GBE1: variants seen among roughly 807,000 people sequenced by gnomAD.
GBE1 encodes 1,4-alpha-glucan-branching enzyme.
Under a neutral mutation model 88.8 loss-of-function variants are expected in GBE1, and 70 were observed. The ratio of observed to expected loss-of-function variants is 0.79; its 90% CI spans 0.65 to 0.96. The LOEUF is 0.96. Ranked by LOEUF, GBE1 falls within the 40% of genes least tolerant of loss-of-function variation. The pLI, the probability that GBE1 is intolerant of heterozygous loss-of-function variation, is 0.00. For missense variants in GBE1, 872 were observed against 871.0 expected (o/e 1.00, Z -0.01); for synonymous variants, 284 against 300.1 (o/e 0.95, Z 0.56).
chr3:81,560,734 A>T (rs1394503832), intron 12 of GBE1, among the ~76,000 whole-genome samples: 1 of 152,006 alleles, frequency 6.6e-6, no homozygotes, highest in African/African-American at 2.4e-5. Context: ...AGTCTATCAG[A>T]TAATTGTGTG....
chr3:81,588,723 CT>C (rs1703833615), intron 9 of GBE1, among the ~76,000 whole-genome samples: 1 of 152,140 alleles, frequency 6.6e-6, no homozygotes, highest in African/African-American at 2.4e-5. Context: ...TTCCTTACCC[CT>C]CTCTAGTTCT....
At chr3:81,611,057 G>GA (rs531827971) in intron 7 of GBE1, among the ~76,000 whole-genome samples, 16 of 148,692 alleles carry the variant, frequency 1.1e-4, no homozygotes, top group East Asian at 5.9e-4. Flanking sequence ...AGTCAGGTTA[G>GA]AAAAAAAAAA....
At chr3:81,744,344 A>C (rs545353646) in intron 1 of GBE1, among the ~76,000 whole-genome samples, 1 of 152,234 alleles carries the variant, frequency 6.6e-6, no homozygotes, top group East Asian at 1.9e-4. Context: ...ATAGTGTAAA[A>C]ATTAGTTTTC....
intron 14 of GBE1, among the ~76,000 whole-genome samples, chr3:81,526,287 AG>A (rs1429765169): frequency 2.0e-5 from 3 of 152,116 alleles, no homozygotes; most frequent in Non-Finnish European, 4.4e-5. Context: ...AAAAACTAGA[AG>A]CATTCCCTTT....
At chr3:81,705,176 C>T (rs769859026) in intron 2 of GBE1, among the ~76,000 whole-genome samples, 1 of 152,052 alleles carries the variant, frequency 6.6e-6, no homozygotes, top group Non-Finnish European at 1.5e-5. Context: ...GAGTTGTCTT[C>T]CTAATAGCAT....
intron 12 of GBE1, among the ~76,000 whole-genome samples, chr3:81,552,981 G>T (rs1190542467): frequency 6.6e-6 from 1 of 152,104 alleles, no homozygotes; most frequent in Admixed American, 6.5e-5. Flanking sequence ...AGGTTATACA[G>T]GTATGAAGTA....
chr3:81,717,975 ATTTAT>A (rs913168990), intron 1 of GBE1, among the ~76,000 whole-genome samples: 10 of 148,302 alleles, frequency 6.7e-5, no homozygotes, highest in Non-Finnish European at 1.1e-4. Flanking sequence ...TTATTTATTT[ATTTAT>A]TTATTTATTT....
intron 7 of GBE1, among the ~76,000 whole-genome samples, chr3:81,611,004 TA>T (rs34262810): frequency 0.011 from 1,583 of 146,790 alleles, 21 homozygotes; most frequent in African/African-American, 0.036. Flanking sequence ...ACTGGGGCTT[TA>T]AAAAAAAAAA....
chr3:81,612,699 C>A (rs2106995038), intron 7 of GBE1: 1 of 515,568 alleles, frequency 1.9e-6, no homozygotes, highest in South Asian at 1.5e-5. Context: ...TACTTCATCA[C>A]TGTGTTCAAT....
intron 7 of GBE1, among the ~76,000 whole-genome samples, chr3:81,615,930 T>G (rs1189694781): frequency 6.6e-6 from 1 of 152,150 alleles, no homozygotes; most frequent in Non-Finnish European, 1.5e-5. Flanking sequence ...TCACCAGCAT[T>G]TGGTGTAGTT....
chr3:81,567,683 T>G (rs1210705366), intron 12 of GBE1, among the ~76,000 whole-genome samples: 1 of 152,234 alleles, frequency 6.6e-6, no homozygotes, highest in East Asian at 1.9e-4. Context: ...TAAGACTTCT[T>G]GATTAAATCT....
chr3:81,749,405 A>G (rs1168506503), intron 1 of GBE1, among the ~76,000 whole-genome samples: 2 of 152,198 alleles, frequency 1.3e-5, no homozygotes, highest in African/African-American at 4.8e-5. Flanking sequence ...CCAAATGAAA[A>G]ACATTACAGA....
intron 3 of GBE1, among the ~76,000 whole-genome samples, chr3:81,667,402 T>A (rs1363166465): frequency 6.6e-6 from 1 of 152,216 alleles, no homozygotes; most frequent in East Asian, 1.9e-4. Flanking sequence ...CAGAGACAAT[T>A]TGACTTCCTC....
At chr3:81,585,510 GA>G (rs149594264) in intron 10 of GBE1, among the ~76,000 whole-genome samples, 1 of 146,124 alleles carries the variant, frequency 6.8e-6, no homozygotes, top group African/African-American at 2.5e-5. Context: ...AACATTAAAT[GA>G]AAAAAAAACA....
intron 2 of GBE1, among the ~76,000 whole-genome samples, chr3:81,678,260 G>T (rs891500868): frequency 1.3e-5 from 2 of 152,150 alleles, no homozygotes; most frequent in Non-Finnish European, 2.9e-5. Flanking sequence ...CATTAAAAAG[G>T]TGAAGTCAAA....
At chr3:81,625,879 G>A (rs545806026) in intron 7 of GBE1, among the ~76,000 whole-genome samples, 4 of 152,272 alleles carry the variant, frequency 2.6e-5, no homozygotes, top group African/African-American at 9.6e-5. Context: ...AGGAAGAAAG[G>A]CAGCCAGAGA....
intron 12 of GBE1, among the ~76,000 whole-genome samples, chr3:81,557,670 G>T (rs1703365294): frequency 6.6e-6 from 1 of 152,016 alleles, no homozygotes; most frequent in African/African-American, 2.4e-5. Context: ...AGAATAAAAG[G>T]TTGGATTTTG....
Position 81,731,369 on chromosome 3 carries a change from T to A in GBE1, c.144-25756A>T, listed in dbSNP as rs569747724. 6.2e-4 allele frequency among the ~76,000 whole-genome samples: 94 copies of A among 152,316 alleles called. No individual in the cohort carries two copies. In the Middle Eastern group the frequency reaches 0.01, roughly 17 times the overall value. On this transcript the variant is annotated intron_variant, in intron 1 of 15. Coordinates refer to ENST00000429644, the MANE Select transcript of GBE1 (RefSeq NM_000158.4). ...GTTTCACATTAGGTGAATGGCTCCT[T>A]CTTTTATTCCTTCAGGCCTACAGGT...
At chr3:81,586,000 T>C in intron 10 of GBE1, 92 bp downstream of exon 10, 1 of 706,770 alleles carries the variant, frequency 1.4e-6, no homozygotes, top group Non-Finnish European at 2.3e-6. Flanking sequence ...TTATAATATC[T>C]GTAACTAATG....
Sources: gnomAD v4.1 joint callset for allele counts (sites outside exome capture counted in the v4.1 genomes callset) on GRCh38, gnomAD v4.1.1 for gene constraint, MANE v1.5 for transcripts, NCBI Gene and HGNC (gene_info 2026-07-23, HGNC 2026-07-21) for gene names.